The following RAB38 variants were observed in gnomAD, a reference collection of about 807,000 sequenced individuals.
RAB38 encodes RAB38, member RAS oncogene family.
RAB38 carries 15 observed loss-of-function variants against 18.4 expected under a neutral mutation model. The ratio of observed to expected loss-of-function variants is 0.82; its 90% CI spans 0.55 to 1.26. The LOEUF (loss-of-function observed/expected upper bound fraction) is 1.26, where lower values mean the gene tolerates loss of function less well. Among genes scored for constraint, RAB38 ranks in the 50% most tolerant of loss-of-function variants. RAB38 has a pLI of 0.00. For missense variants in RAB38, 294 were observed against 267.4 expected (o/e 1.10, Z -0.69); for synonymous variants, 101 against 104.4 (o/e 0.97, Z 0.20).
chr11:88,036,597 A>C, the RAB38 span, among the ~76,000 whole-genome samples: 1 of 152,100 alleles, frequency 6.6e-6, no homozygotes, highest in Non-Finnish European at 1.5e-5. Context: ...CATTTTATTG[A>C]GTGTACCTTC....
intron 2 of RAB38, among the ~76,000 whole-genome samples, chr11:88,135,771 G>A (rs753253323): frequency 1.3e-4 from 20 of 152,178 alleles, no homozygotes; most frequent in Non-Finnish European, 1.9e-4. Context: ...AGCCTTTTGC[G>A]ATGGTATTTA....
intron 1 of RAB38, among the ~76,000 whole-genome samples, chr11:88,159,455 A>G (rs1943163474): frequency 6.6e-6 from 1 of 151,852 alleles, no homozygotes; most frequent in African/African-American, 2.4e-5. Context: ...ATCTACCAAC[A>G]TCATTTTTCA....
At chr11:88,101,668 A>G in the RAB38 span, among the ~76,000 whole-genome samples, 1 of 151,714 alleles carries the variant, frequency 6.6e-6, no homozygotes, top group African/African-American at 2.4e-5. Context: ...TTGTAAGAGG[A>G]AATATGTTAT....
chr11:87,959,044 G>A, the RAB38 span, among the ~76,000 whole-genome samples: 1 of 152,038 alleles, frequency 6.6e-6, no homozygotes, highest in Non-Finnish European at 1.5e-5. Context: ...TGTGCTTTAG[G>A]CTGTTGGCAC....
At chr11:87,869,236 C>G in the RAB38 span, among the ~76,000 whole-genome samples, 30 of 151,832 alleles carry the variant, frequency 2.0e-4, no homozygotes, top group African/African-American at 7.0e-4. Context: ...TACTACTTTT[C>G]AGATGACTTA....
At chr11:87,944,198 G>C in the RAB38 span, among the ~76,000 whole-genome samples, 1 of 152,144 alleles carries the variant, frequency 6.6e-6, no homozygotes, top group African/African-American at 2.4e-5. Flanking sequence ...TGCTAACAAA[G>C]TGAGCACATC....
chr11:87,840,737 G>T, the RAB38 span, among the ~76,000 whole-genome samples: 1 of 152,168 alleles, frequency 6.6e-6, no homozygotes, highest in Non-Finnish European at 1.5e-5. Flanking sequence ...GAATATGGAT[G>T]TTTCTAATTT....
At chr11:87,872,018 A>G in the RAB38 span, among the ~76,000 whole-genome samples, 1 of 151,554 alleles carries the variant, frequency 6.6e-6, no homozygotes, top group African/African-American at 2.4e-5. Context: ...AGAACTCCAG[A>G]GTCATAGGCT....
the RAB38 span, among the ~76,000 whole-genome samples, chr11:88,058,462 T>C: frequency 2.0e-5 from 3 of 152,168 alleles, no homozygotes; most frequent in African/African-American, 7.2e-5. Flanking sequence ...ACAACAAACA[T>C]GTGGCCTGCG....
At chr11:87,868,766 AC>A in the RAB38 span, among the ~76,000 whole-genome samples, 57 of 151,746 alleles carry the variant, frequency 3.8e-4, 1 homozygote, top group East Asian at 0.01. Flanking sequence ...AATTGTTGGT[AC>A]CCTGCCCCCA....
chr11:87,892,539 G>A, the RAB38 span, among the ~76,000 whole-genome samples: 17 of 151,762 alleles, frequency 1.1e-4, no homozygotes, highest in South Asian at 2.1e-4. Context: ...CAGGGATTGC[G>A]GTTACTAGCA....
chr11:88,023,035 A>G, the RAB38 span, among the ~76,000 whole-genome samples: 4 of 152,128 alleles, frequency 2.6e-5, no homozygotes, highest in African/African-American at 9.7e-5. Context: ...GGATCAGGAA[A>G]AAGAACTAAT....
the RAB38 span, among the ~76,000 whole-genome samples, chr11:87,813,900 G>A: frequency 6.6e-6 from 1 of 152,116 alleles, no homozygotes; most frequent in South Asian, 2.1e-4. Flanking sequence ...TTTCCCGTGG[G>A]GGTGTGGTTG....
At chr11:88,071,890 A>C in the RAB38 span, among the ~76,000 whole-genome samples, 1 of 152,214 alleles carries the variant, frequency 6.6e-6, no homozygotes, top group African/African-American at 2.4e-5. Context: ...GACTAATGGT[A>C]CCAACAAAAC....
At chr11:87,954,424 A>G in the RAB38 span, among the ~76,000 whole-genome samples, 1 of 152,184 alleles carries the variant, frequency 6.6e-6, no homozygotes, top group Non-Finnish European at 1.5e-5. Flanking sequence ...AAAGGTGACT[A>G]ATTGGTCTTC....
the RAB38 span, among the ~76,000 whole-genome samples, chr11:87,942,561 A>G: frequency 6.6e-6 from 1 of 152,188 alleles, no homozygotes; most frequent in Non-Finnish European, 1.5e-5. Context: ...GTGGAAATGT[A>G]AAGATTAAGA....
the RAB38 span, among the ~76,000 whole-genome samples, chr11:87,969,916 A>T: frequency 6.6e-6 from 1 of 152,124 alleles, no homozygotes; most frequent in South Asian, 2.1e-4. Context: ...CCCATATTTG[A>T]GGAGAGGTAG....
the RAB38 span, among the ~76,000 whole-genome samples, chr11:87,863,340 A>G: frequency 6.6e-6 from 1 of 151,920 alleles, no homozygotes; most frequent in Middle Eastern, 3.4e-3. Context: ...AAGTACCCCA[A>G]AAGTACCCAA....
the RAB38 span, among the ~76,000 whole-genome samples, chr11:88,054,914 T>A: frequency 6.6e-6 from 1 of 151,980 alleles, no homozygotes; most frequent in African/African-American, 2.4e-5. Context: ...AGAGTCAGAG[T>A]TGTCTGGTTC....
Sources: gnomAD v4.1 joint callset for allele counts (sites outside exome capture counted in the v4.1 genomes callset) on GRCh38, gnomAD v4.1.1 for gene constraint, MANE v1.5 for transcripts, NCBI Gene and HGNC (gene_info 2026-07-23, HGNC 2026-07-21) for gene names.